The following CENPE variants were observed in gnomAD, a reference collection of about 807,000 sequenced individuals.
CENPE encodes the protein centromere-associated protein E.
In CENPE, 145 loss-of-function variants were observed where a neutral mutation model predicts 336.1. The ratio of observed to expected loss-of-function variants is 0.43; its 90% CI spans 0.38 to 0.50. The LOEUF (loss-of-function observed/expected upper bound fraction) is 0.50, where lower values mean the gene tolerates loss of function less well. Among genes scored for constraint, CENPE ranks in the 20% least tolerant of loss-of-function variants. CENPE has a pLI of 0.00. For missense variants in CENPE, 2,719 were observed against 3,023.3 expected (o/e 0.90, Z 2.36); for synonymous variants, 1,013 against 984.8 (o/e 1.03, Z -0.54).
chr4:103,141,939 G>A, intron 34 of CENPE, 31 bp from the exon 35 acceptor site: 1 of 1,340,472 alleles, frequency 7.5e-7, no homozygotes, highest in Non-Finnish European at 1.0e-6. Flanking sequence ...TAAAAACAGT[G>A]ACATATCTTA....
intron 17 of CENPE, 44 bp from the exon 18 acceptor site, chr4:103,163,300 G>T: frequency 1.3e-6 from 2 of 1,547,324 alleles, no homozygotes; most frequent in African/African-American, 1.4e-5. Flanking sequence ...AATCTGATTT[G>T]AAGTCTAAGG....
intron 1 of CENPE, 117 bp from the exon 2 acceptor site, chr4:103,196,967 G>A: frequency 1.5e-6 from 1 of 658,330 alleles, no homozygotes; most frequent in South Asian, 1.7e-5. Flanking sequence ...ATAAGAGAAT[G>A]ACAGAAAGTC....
intron 26 of CENPE, among the ~76,000 whole-genome samples, chr4:103,150,510 G>A (rs562470252): frequency 4.6e-5 from 7 of 152,008 alleles, no homozygotes; most frequent in African/African-American, 1.7e-4. Flanking sequence ...CTGAACCCAG[G>A]GGGGGTTGAG....
rs1323628017 is a variant in CENPE at position 103,149,421 on chromosome 4, A to G, written c.3397-13T>C. On this transcript the variant is annotated splice_polypyrimidine_tract_variant and intron_variant, in intron 26 of 48. Transcript: ENST00000265148. ...GGAGTTGCTGGCTCTTAAAATGCAC[A>G]ATTTTTATAATTACCATTTTACTTA... 2 of 1,537,016 alleles carry G rather than the reference A, an allele frequency of 1.3e-6. No individual in the cohort carries two copies. The highest frequency in any genetic ancestry group is 1.7e-6 in the Non-Finnish European group (2 of 1,152,392).
At chr4:103,186,885 A>C (rs1295084811) in intron 8 of CENPE, among the ~76,000 whole-genome samples, 2 of 152,186 alleles carry the variant, frequency 1.3e-5, no homozygotes, top group Admixed American at 1.3e-4. Flanking sequence ...AGTCTAGACA[A>C]AAAGAATAGC....
intron 28 of CENPE, 80 bp from the exon 29 acceptor site, chr4:103,147,726 C>G (rs1753179784): frequency 7.8e-7 from 1 of 1,288,510 alleles, no homozygotes; most frequent in South Asian, 1.5e-5. Context: ...CGGCATCTCA[C>G]TCTGTTGCCC....
Position 103,174,534 on chromosome 4 carries a change from G to A in CENPE, c.1647+202C>T, listed in dbSNP as rs541578075. ...ACCACAAAAACAATAACTATGTGAG[G>A]TAGTACATTTGTTAGCTAGATTTAA... On this transcript the variant is annotated intron_variant, in intron 16 of 48. Coordinates refer to ENST00000265148, the MANE Select transcript of CENPE (RefSeq NM_001813.3). Among the ~76,000 whole-genome samples, 4 of 151,944 alleles carry A rather than the reference G, an allele frequency of 2.6e-5. No individual in the cohort carries two copies. The East Asian group carries it at 5.8e-4, about 22-fold the overall frequency.
At chr4:103,172,442 T>C (rs1755493035) in intron 16 of CENPE, among the ~76,000 whole-genome samples, 1 of 151,946 alleles carries the variant, frequency 6.6e-6, no homozygotes, top group Non-Finnish European at 1.5e-5. Flanking sequence ...ATAGAAGTGA[T>C]ATGCCTCAAC....
rs773451485 is a variant in CENPE, at chr4:103,194,695, T to A, written c.478-11A>T. The A allele has an allele frequency of 6.3e-7, 1 of 1,584,082 alleles. No individual in the cohort carries two copies. The highest frequency in any genetic ancestry group is 1.4e-5 in the African/African-American group (1 of 73,948). Reference sequence around the variant, plus strand: ...AACATACACATTCCTCTGAAACAAGTTTAATTATGGAAAGATTAGAGAAAT... The same window carrying A: ...AACATACACATTCCTCTGAAACAAGATTAATTATGGAAAGATTAGAGAAAT... On this transcript the variant is annotated splice_polypyrimidine_tract_variant and intron_variant, in intron 5 of 48. Coordinates refer to ENST00000265148, the MANE Select transcript of CENPE (RefSeq NM_001813.3).
chr4:103,151,311 C>A lies in CENPE; in HGVS notation c.3304G>T (p.Ala1102Ser). The change falls in exon 26 of 49, where the codon GCA (alanine) becomes TCA (serine). Residue 1102 changes from alanine (A) to serine (S), a missense_variant. Physicochemically the swap from Ala to Ser is moderately conservative, Grantham distance 99. Transcript: ENST00000265148. ...DELKKQQEIVAQEKNHAIKKE... is the reference protein window; with the variant it reads ...DELKKQQEIVSQEKNHAIKKE... The stretch of plus-strand genomic sequence containing the variant: ...TTTATGGCATGGTTCTTTTCTTGTG[C>A]AACTATCTCTTGTTGCTTTTTAAGT... The A allele has an allele frequency of 6.2e-7, 1 of 1,607,304 alleles. No individual in the cohort carries two copies. The highest frequency in any genetic ancestry group is 8.5e-7 in the Non-Finnish European group (1 of 1,178,578).
chr4:103,158,872 G>C lies in CENPE; in HGVS notation c.2616C>G (p.Thr872=), dbSNP rs145323573. The change falls in exon 23 of 49, where the codon ACC becomes ACG. Residue 872 remains threonine (T), a synonymous_variant. Transcript: ENST00000265148. ...CACGTGTTTTCTCCTGAAGTTCTTG[G>C]GTCTTGTAAGAAAGCTTTAAAAAAG... The part of the protein sequence containing the change: ...GALKTELSYK[T]QELQEKTREV... 21 of 1,595,260 alleles carry C rather than the reference G, an allele frequency of 1.3e-5. No individual in the cohort carries two copies. The African/African-American group carries it at 2.2e-4, about 17-fold the overall frequency.
chr4:103,108,244 CTTT>C (rs769449653), intron 48 of CENPE, among the ~76,000 whole-genome samples: 1 of 143,292 alleles, frequency 7.0e-6, no homozygotes, highest in African/African-American at 2.5e-5. Context: ...TATAATTTCA[CTTT>C]TTTTTTTTTT....
chr4:103,179,349 AAAT>A (rs1756142234), intron 13 of CENPE, among the ~76,000 whole-genome samples: 3 of 152,310 alleles, frequency 2.0e-5, no homozygotes, highest in Admixed American at 1.3e-4. Flanking sequence ...CATCACATTC[AAAT>A]CCCTCAAGGA....
chr4:103,128,082 A>G (rs1751282202), intron 42 of CENPE, among the ~76,000 whole-genome samples: 1 of 152,172 alleles, frequency 6.6e-6, no homozygotes, highest in Non-Finnish European at 1.5e-5. Context: ...ATGGAGAAAG[A>G]TACACCATGT....
At chr4:103,171,523 A>C (rs1329893355) in intron 16 of CENPE, among the ~76,000 whole-genome samples, 1 of 152,050 alleles carries the variant, frequency 6.6e-6, no homozygotes, top group East Asian at 1.9e-4. Flanking sequence ...CAGTTCTAAA[A>C]GAGAAGTTTA....
In CENPE at chr4:103,116,609, C is replaced by T. The variant is rs191963279; in HGVS notation, c.7410G>A (p.Glu2470=). The T allele has an allele frequency of 6.1e-5, 97 of 1,581,872 alleles. No individual in the cohort carries two copies. The highest frequency in any genetic ancestry group is 4.7e-5 in the Non-Finnish European group (55 of 1,164,090). The stretch of plus-strand genomic sequence containing the variant: ...CAAATTCTTTGGCATTTTTCATTTT[C>T]TCTAGGTCTATTTTCACAAGCTTCA... ...LKMKLVKIDL[E]KMKNAKEFEK... The change falls in exon 45 of 49, where the codon GAG becomes GAA. Residue 2470 remains glutamate (E), a synonymous_variant. Transcript: ENST00000265148.
intron 6 of CENPE, 81 bp from the exon 7 acceptor site, chr4:103,194,522 G>T: frequency 2.1e-6 from 3 of 1,458,920 alleles, no homozygotes; most frequent in Non-Finnish European, 2.8e-6. Flanking sequence ...ACTTAAAAAA[G>T]TATGATTTGA....
intron 42 of CENPE, 33 bp from the exon 43 acceptor site, chr4:103,123,122 A>AT (rs1750785180): frequency 3.3e-6 from 5 of 1,525,876 alleles, no homozygotes; most frequent in Non-Finnish European, 4.5e-6. Flanking sequence ...TATAGCTCTA[A>AT]AACGATTTAT....
chr4:103,158,658 C>T lies in CENPE; in HGVS notation c.2830G>A (p.Glu944Lys). The change falls in exon 23 of 49, where the codon GAG becomes AAG. Residue 944 changes from glutamate to lysine, a missense_variant. Coordinates refer to ENST00000265148, the MANE Select transcript of CENPE (RefSeq NM_001813.3). ...LKQLQESLQI[E>K]RDQLKSDIHD... ...ATATCACTTTTGAGTTGGTCCCTCT[C>T]AATTTGCAAGCTTTCTTGGAGTTGT... 6.2e-7 allele frequency: 1 copy of T among 1,610,412 alleles called. No individual in the cohort carries two copies. Among genetic ancestry groups the T allele is most frequent in the Non-Finnish European group, 8.5e-7 (1 of 1,178,850 alleles).
Sources: allele counts gnomAD v4.1 joint callset (sites outside exome capture counted in the v4.1 genomes callset), GRCh38; gene constraint gnomAD v4.1.1; transcripts MANE v1.5; gene names NCBI Gene and HGNC (gene_info 2026-07-23, HGNC 2026-07-21).